NDRG4: variants seen among roughly 807,000 people sequenced by gnomAD.
NDRG4 encodes the protein NDRG family member 4.
NDRG4 carries 38 observed loss-of-function variants against 55.8 expected under a neutral mutation model. The ratio of observed to expected loss-of-function variants is 0.68; its 90% confidence interval spans 0.53 to 0.89. The LOEUF (loss-of-function observed/expected upper bound fraction) is 0.89, where lower values mean the gene tolerates loss of function less well. Ranked by LOEUF, NDRG4 falls within the 40% of genes least tolerant of loss-of-function variation. The pLI, the probability that NDRG4 is intolerant of heterozygous loss-of-function variation, is 0.00. For missense variants in NDRG4, 455 were observed against 468.6 expected (o/e 0.97, Z 0.27); for synonymous variants, 190 against 182.7 (o/e 1.04, Z -0.32).
chr16:58,482,972 G>T (rs1168382238), intron 1 of NDRG4, among the ~76,000 whole-genome samples: 3 of 152,054 alleles, frequency 2.0e-5, no homozygotes, highest in African/African-American at 7.2e-5. Flanking sequence ...TTTTAGTAGA[G>T]ACAGGGTTTC....
chr16:58,465,941 A>G (rs1409353555), intron 1 of NDRG4, among the ~76,000 whole-genome samples: 1 of 152,140 alleles, frequency 6.6e-6, no homozygotes, highest in African/African-American at 2.4e-5. Context: ...AGCTCACCCA[A>G]CTTGGAAGGG....
rs1273715442 is a variant in NDRG4 at position 58,510,670 on chromosome 16, G to C, written c.891G>C (p.Leu297=). The part of the protein sequence containing the change: ...GYIAYLKDRR[L]SGGAVPSASM... Reference sequence around the variant, plus strand: ...TTGCGTACTTGAAGGACCGAAGGCTGAGTGGAGGAGCAGGTAGCCCCACGG... The same window carrying C: ...TTGCGTACTTGAAGGACCGAAGGCTCAGTGGAGGAGCAGGTAGCCCCACGG... The change falls in exon 14 of 15, where the codon CTG becomes CTC. Residue 297 remains leucine, a synonymous_variant. Transcript: ENST00000570248. 1 of 1,535,898 alleles carries C rather than the reference G, an allele frequency of 6.5e-7. No individual in the cohort carries two copies. The highest frequency in any genetic ancestry group is 8.7e-7 in the Non-Finnish European group (1 of 1,146,904).
chr16:58,495,411 G>A (rs978774646), upstream of NDRG4: 2 of 191,342 alleles, frequency 1.0e-5, no homozygotes, highest in African/African-American at 2.3e-5. Flanking sequence ...TCGGCCAGTC[G>A]TTTCTCCCCT....
intron 1 of NDRG4, among the ~76,000 whole-genome samples, chr16:58,481,070 A>G (rs984099825): frequency 1.3e-5 from 2 of 151,878 alleles, no homozygotes; most frequent in Non-Finnish European, 2.9e-5. Flanking sequence ...AGACCTGGAC[A>G]TCATGGGTTC....
intron 13 of NDRG4, among the ~76,000 whole-genome samples, chr16:58,510,259 GGAA>G (rs2038627962): frequency 6.6e-6 from 1 of 152,230 alleles, no homozygotes; most frequent in African/African-American, 2.4e-5. Context: ...CGAGGTGAAC[GGAA>G]GAACATTGTC....
intron 1 of NDRG4, among the ~76,000 whole-genome samples, chr16:58,470,675 T>C (rs1488535753): frequency 6.6e-6 from 1 of 151,852 alleles, no homozygotes; most frequent in African/African-American, 2.4e-5. Context: ...GGGAGGCTGA[T>C]GCAGGTGGAT....
intron 13 of NDRG4, among the ~76,000 whole-genome samples, 161 bp from the exon 14 acceptor site, chr16:58,510,484 G>A (rs971958199): frequency 1.3e-5 from 2 of 152,174 alleles, no homozygotes; most frequent in East Asian, 1.9e-4. Context: ...GGCAGGAGTG[G>A]GCTTCCAGAA....
intron 7 of NDRG4, 131 bp downstream of exon 7, chr16:58,506,745 A>G: frequency 8.1e-7 from 1 of 1,229,870 alleles, no homozygotes; most frequent in Non-Finnish European, 1.2e-6. Flanking sequence ...TCTGAAAGAC[A>G]GACATCCCCT....
intron 2 of NDRG4, among the ~76,000 whole-genome samples, chr16:58,489,436 G>A (rs564139567): frequency 3.3e-5 from 5 of 151,642 alleles, no homozygotes; most frequent in Non-Finnish European, 5.9e-5. Flanking sequence ...CATATTCCTA[G>A]TACATCTGCT....
intron 6 of NDRG4, 26 bp downstream of exon 6, chr16:58,506,499 T>A: frequency 8.0e-7 from 1 of 1,242,454 alleles, no homozygotes; most frequent in Non-Finnish European, 1.1e-6. Context: ...GGGGGTGGGG[T>A]GGGTATACCT....
chr16:58,498,408 A>C (rs1380675030), upstream of NDRG4, among the ~76,000 whole-genome samples: 1 of 152,188 alleles, frequency 6.6e-6, no homozygotes, highest in Non-Finnish European at 1.5e-5. Flanking sequence ...GGACATGACC[A>C]GCAATAGTGT....
chr16:58,477,763 G>T (rs1035687650), intron 1 of NDRG4, among the ~76,000 whole-genome samples: 1 of 150,914 alleles, frequency 6.6e-6, no homozygotes, highest in African/African-American at 2.4e-5. Context: ...GTTAAAATTA[G>T]CAGGGGTAAG....
intron 2 of NDRG4, among the ~76,000 whole-genome samples, chr16:58,489,527 CAG>C (rs1468355867): frequency 6.6e-6 from 1 of 151,986 alleles, no homozygotes; most frequent in East Asian, 2.0e-4. Context: ...GCTCCCTCCT[CAG>C]AGAGTCCCTC....
chr16:58,484,329 C>T (rs756801452), intron 1 of NDRG4, among the ~76,000 whole-genome samples: 5 of 150,736 alleles, frequency 3.3e-5, no homozygotes, highest in Non-Finnish European at 4.4e-5. Flanking sequence ...GCTGAGATCG[C>T]GCCACTGCAC....
intron 8 of NDRG4, chr16:58,507,341 T>C (rs1205038219): frequency 4.7e-6 from 2 of 423,558 alleles, no homozygotes; most frequent in Non-Finnish European, 8.6e-6. Flanking sequence ...GAGGAAGAGG[T>C]CGGATGAGCC....
intron 5 of NDRG4, chr16:58,506,169 T>TGTGTGTGTGTGTGTGG (rs745949486): frequency 3.0e-6 from 2 of 672,858 alleles, no homozygotes; most frequent in East Asian, 2.9e-5. Context: ...TGTGTGTGTG[T>TGTGTGTGTGTGTGTGG]AGGGGTGGAA....
At chr16:58,511,157 G>A in intron 14 of NDRG4, 1 of 520,692 alleles carries the variant, frequency 1.9e-6, no homozygotes. Context: ...CCTCTTGAGG[G>A]AGGCACGGCT....
rs1452917864 is a variant in NDRG4, at chr16:58,464,358, C to T, written c.-24+561C>T. On this transcript the variant is annotated intron_variant, in intron 1 of 15. Transcript: ENST00000258187. This position sits in a 1 kb window ranked among gnomAD's most constrained non-coding sequence, Gnocchi z 4.8. ...GCCGCTCCGCTCCGGGTCTCCCGCG[C>T]TCCTCTCCCCGGCTCGGCCGAGCGC... is the stretch of plus-strand genomic sequence containing the variant. 3.1e-6 allele frequency: 4 copies of T among 1,307,890 alleles called. No individual in the cohort carries two copies. Among genetic ancestry groups the T allele is most frequent in the Admixed American group, 3.8e-5 (1 of 26,438 alleles). The allele number at this position is 1,307,890 out of a possible 1,614,324, so 81.0% of individuals were successfully genotyped here.
intron 5 of NDRG4, 74 bp downstream of exon 5, chr16:58,504,723 G>A (rs1014857644): frequency 5.9e-5 from 91 of 1,547,764 alleles, no homozygotes; most frequent in Admixed American, 5.7e-4. Context: ...GGGACTGGGG[G>A]GAACCCTTCA....
Sources: allele counts gnomAD v4.1 joint callset (sites outside exome capture counted in the v4.1 genomes callset), GRCh38; gene constraint gnomAD v4.1.1; non-coding constraint Gnocchi (gnomAD v3.1); transcripts MANE v1.5; gene names NCBI Gene and HGNC (gene_info 2026-07-23, HGNC 2026-07-21).